The following PSPC1 variants were observed in gnomAD, a reference collection of about 807,000 sequenced individuals.
PSPC1 encodes paraspeckle component 1.
Under a neutral mutation model 51.6 loss-of-function variants are expected in PSPC1, and 14 were observed. The ratio of observed to expected loss-of-function variants is 0.27; its 90% CI spans 0.18 to 0.42. The LOEUF is 0.42. Among genes scored for constraint, PSPC1 ranks in the 10% least tolerant of loss-of-function variants. The probability of loss-of-function intolerance (pLI) is 1.00; values close to 1 mark genes in which losing one functional copy is unlikely to be tolerated. For synonymous variants in PSPC1, 193 were observed against 231.9 expected, an observed-to-expected ratio of 0.83 and a Z score of 1.53; for missense variants, 406 against 701.1, an observed-to-expected ratio of 0.58 and a Z score of 4.75.
At chr13:19,779,392 CCCCGCCCGG>C (rs1889622778) in intron 1 of PSPC1, among the ~76,000 whole-genome samples, 1 of 100,612 alleles carries the variant, frequency 9.9e-6, no homozygotes, top group African/African-American at 3.7e-5. Context: ...GGGGTCAGCC[CCCCGCCCGG>C]CCAGCCGCCC....
At chr13:19,766,509 A>G (rs948238261) in intron 2 of PSPC1, among the ~76,000 whole-genome samples, 1 of 152,126 alleles carries the variant, frequency 6.6e-6, no homozygotes, top group African/African-American at 2.4e-5. Context: ...CCTGGGCCAC[A>G]TGGCGAAAAT....
At position 19,705,719 on chromosome 13, in the gene PSPC1, C is replaced by T. The variant is rs943724023; in HGVS notation, c.1329G>A (p.Met443Ile). The T allele has an allele frequency of 1.9e-6, 3 of 1,611,076 alleles. No homozygotes were observed. The East Asian group carries it at 6.7e-5, about 36-fold the overall frequency. The change falls in exon 8 of 9, where the codon ATG (methionine) becomes ATA (isoleucine). Residue 443 changes from methionine to isoleucine, a missense_variant. Physicochemically the swap from Met to Ile is conservative, Grantham distance 10. Around this residue, in one of 5 missense-constraint regions of PSPC1, gnomAD observed 34 missense variants for 158.6 expected, o/e 0.21. Transcript: ENST00000338910. The stretch of plus-strand genomic sequence containing the variant: ...CCATATTTGCGGCTCCTTCTGGTCC[C>T]ATGGCAGGACCAGGACCCATTGGTG... ...PGPPMGPGPA[M>I]GPEGAANMGT...
At chr13:19,770,235 A>T (rs937312375) in intron 2 of PSPC1, among the ~76,000 whole-genome samples, 1 of 152,240 alleles carries the variant, frequency 6.6e-6, no homozygotes, top group Non-Finnish European at 1.5e-5. Flanking sequence ...TATAAATAAG[A>T]AATAGCTATC....
At chr13:19,745,396 G>A (rs1374390391) in intron 4 of PSPC1, among the ~76,000 whole-genome samples, 1 of 151,994 alleles carries the variant, frequency 6.6e-6, no homozygotes, top group Non-Finnish European at 1.5e-5. Context: ...TAATTTCAAT[G>A]TATCATAAAT....
chr13:19,782,886 C>T lies in PSPC1; in HGVS notation c.-129G>A. On this transcript the variant is annotated 5_prime_UTR_variant, in exon 1 of 9. Coordinates refer to ENST00000338910, the MANE Select transcript of PSPC1 (RefSeq NM_001354909.2). This position sits in a 1 kb window ranked among gnomAD's most constrained non-coding sequence, Gnocchi z 4.5. ...GACAATCAAGAGACCGCTAGGTAGG[C>T]GAGTCGGCAACCCGTCCTCCCCCAA... 8.8e-7 allele frequency: 1 copy of T among 1,131,570 alleles called. No homozygotes were observed. Among genetic ancestry groups the T allele is most frequent in the Non-Finnish European group, 1.2e-6 (1 of 863,134 alleles). 70.1% of individuals were successfully genotyped at this position (1,131,570 alleles called of 1,614,324 possible).
intron 5 of PSPC1, among the ~76,000 whole-genome samples, chr13:19,736,655 C>T (rs1884862819): frequency 6.6e-6 from 1 of 152,114 alleles, no homozygotes; most frequent in South Asian, 2.1e-4. Context: ...TGCACTCCAG[C>T]CTGGGCGACA....
chr13:19,709,025 G>T (rs1204333909), intron 7 of PSPC1, among the ~76,000 whole-genome samples: 4 of 151,898 alleles, frequency 2.6e-5, no homozygotes, highest in African/African-American at 9.7e-5. Context: ...TAAGCCAGGC[G>T]TGGTGGCACA....
downstream of PSPC1, chr13:19,673,293 T>C (rs1876259668): frequency 2.7e-6 from 1 of 364,374 alleles, no homozygotes; most frequent in Non-Finnish European, 5.4e-6. Flanking sequence ...AATTGTTTTG[T>C]TCCTCATTAG....
intron 6 of PSPC1, among the ~76,000 whole-genome samples, chr13:19,696,534 T>C (rs1879280410): frequency 6.7e-6 from 1 of 150,264 alleles, no homozygotes; most frequent in South Asian, 2.1e-4. Flanking sequence ...CACACACACA[T>C]ATCTGACGCT....
intron 5 of PSPC1, among the ~76,000 whole-genome samples, chr13:19,732,416 A>T (rs1884227416): frequency 6.6e-6 from 1 of 152,188 alleles, no homozygotes; most frequent in Non-Finnish European, 1.5e-5. Context: ...CTCATAATAT[A>T]CCAATACTAC....
chr13:19,717,161 G>C (rs1593606748), intron 6 of PSPC1, among the ~76,000 whole-genome samples: 1 of 152,124 alleles, frequency 6.6e-6, no homozygotes, highest in African/African-American at 2.4e-5. Context: ...ATATTCATGG[G>C]TATTTTTAAA....
At chr13:19,763,104 C>CAA (rs377273050) in intron 2 of PSPC1, among the ~76,000 whole-genome samples, 22 of 131,814 alleles carry the variant, frequency 1.7e-4, no homozygotes, top group Admixed American at 3.0e-4. Flanking sequence ...AAACTGTTTC[C>CAA]AAAAAAAAAA....
chr13:19,728,902 A>T (rs183618243), intron 6 of PSPC1, among the ~76,000 whole-genome samples: 22 of 152,332 alleles, frequency 1.4e-4, no homozygotes, highest in South Asian at 2.1e-4. Context: ...AAAATTTTTT[A>T]AAAAACATAA....
At chr13:19,755,005 G>A (rs1886925419) in intron 3 of PSPC1, among the ~76,000 whole-genome samples, 2 of 152,106 alleles carry the variant, frequency 1.3e-5, no homozygotes, top group African/African-American at 4.8e-5. Context: ...GGCCAATGCA[G>A]GCAGATCGCT....
chr13:19,757,423 GCC>G (rs1356260272), intron 3 of PSPC1, among the ~76,000 whole-genome samples: 4 of 152,120 alleles, frequency 2.6e-5, no homozygotes, highest in African/African-American at 9.7e-5. Flanking sequence ...TAGAGACTAT[GCC>G]CCAAGTCAGC....
chr13:19,699,273 T>TA (rs1212088610), downstream of PSPC1: 1 of 151,732 alleles, frequency 6.6e-6, no homozygotes, highest in Admixed American at 6.6e-5. Context: ...TTTTGGTATT[T>TA]AAAAAACTCC....
Position 19,751,405 on chromosome 13 carries a change from C to A in PSPC1, c.833G>T (p.Arg278Leu). 1 of 1,588,120 alleles carries A rather than the reference C, an allele frequency of 6.3e-7. No individual in the cohort carries two copies. Among genetic ancestry groups the A allele is most frequent in the Non-Finnish European group, 8.5e-7 (1 of 1,170,588 alleles). ...PGTFEFEYAS[R>L]WKALDEMEKQ... ...TTCCATTTCATCAAGAGCCTTCCAT[C>A]GAGATGCATACTCAAATTCAAATGT... Residue 278 changes from arginine to leucine, a missense_variant, in exon 4 of 9, where the codon CGA (arginine) becomes CTA (leucine). Physicochemically the swap from Arg to Leu is moderately radical, Grantham distance 102. Coordinates refer to ENST00000338910, the MANE Select transcript of PSPC1 (RefSeq NM_001354909.2).
intron 6 of PSPC1, among the ~76,000 whole-genome samples, chr13:19,692,682 C>T (rs1191060009): frequency 6.6e-6 from 1 of 152,166 alleles, no homozygotes; most frequent in Non-Finnish European, 1.5e-5. Context: ...ACCATCGACC[C>T]TGAACACACT....
At chr13:19,755,378 G>T (rs1446769722) in intron 3 of PSPC1, among the ~76,000 whole-genome samples, 1 of 151,816 alleles carries the variant, frequency 6.6e-6, no homozygotes, top group Non-Finnish European at 1.5e-5. Context: ...TCACAAGGTC[G>T]GGAGTTCGAG....
Sources: allele counts gnomAD v4.1 joint callset (sites outside exome capture counted in the v4.1 genomes callset), GRCh38; gene constraint gnomAD v4.1.1; regional missense constraint gnomAD v4.1.1; non-coding constraint Gnocchi (gnomAD v3.1); transcripts MANE v1.5; gene names NCBI Gene and HGNC (gene_info 2026-07-23, HGNC 2026-07-21).